Variants in METTL15 observed in about 807,000 individuals in gnomAD.
The protein encoded by METTL15 is 12S rRNA N(4)-cytidine methyltransferase METTL15.
METTL15 carries 34 observed loss-of-function variants against 38.3 expected under a neutral mutation model. The ratio of observed to expected loss-of-function variants is 0.89; its 90% CI spans 0.68 to 1.18. The LOEUF is 1.18. Ranked by LOEUF, METTL15 falls within the 50% of genes most tolerant of loss-of-function variation. The probability of loss-of-function intolerance (pLI) is 0.00; values close to 1 mark genes in which losing one functional copy is unlikely to be tolerated. For missense variants in METTL15, 438 were observed against 498.4 expected (o/e 0.88, Z 1.15); for synonymous variants, 162 against 170.9 (o/e 0.95, Z 0.41).
chr11:28,418,486 T>C (rs1257607721), intron 5 of METTL15, among the ~76,000 whole-genome samples: 2 of 152,128 alleles, frequency 1.3e-5, no homozygotes, highest in African/African-American at 2.4e-5. Context: ...CATAGTTAGA[T>C]GGGGCTAATG....
At chr11:28,522,937 A>T (rs1016646556) in intron 6 of METTL15, among the ~76,000 whole-genome samples, 2 of 152,228 alleles carry the variant, frequency 1.3e-5, no homozygotes, top group Non-Finnish European at 2.9e-5. Context: ...AAACATTTCT[A>T]TTGAAAAAGT....
At chr11:28,491,134 T>G (rs1851491135) in intron 6 of METTL15, among the ~76,000 whole-genome samples, 1 of 152,124 alleles carries the variant, frequency 6.6e-6, no homozygotes, top group African/African-American at 2.4e-5. Flanking sequence ...CAGCTGAGAC[T>G]TGCCTTAAAA....
chr11:28,441,121 A>C (rs555860624), intron 6 of METTL15, among the ~76,000 whole-genome samples: 1 of 151,518 alleles, frequency 6.6e-6, no homozygotes, highest in East Asian at 1.9e-4. Context: ...ATTTTATTGA[A>C]CAGTATGAAA....
At chr11:28,194,952 T>A (rs1423075291) in intron 3 of METTL15, among the ~76,000 whole-genome samples, 2 of 152,100 alleles carry the variant, frequency 1.3e-5, no homozygotes, top group African/African-American at 2.4e-5. Context: ...ACATGGAGTA[T>A]TTGGTTTTCC....
intron 5 of METTL15, among the ~76,000 whole-genome samples, chr11:28,409,405 A>G (rs1038621935): frequency 2.1e-5 from 3 of 142,574 alleles, no homozygotes; most frequent in Admixed American, 1.4e-4. Context: ...AAAAAAAAAA[A>G]GGAATATTTA....
In METTL15 at chr11:28,113,531, A is replaced by G. The variant is rs772086928; in HGVS notation, c.197A>G (p.Glu66Gly). ...ELHRSQDRDFETMAKLHIPVM... is the reference protein window; with the variant it reads ...ELHRSQDRDFGTMAKLHIPVM... ...CACAGATCTCAAGATAGAGATTTTGAAACTATGGCTAAATTACATATTCCA... is the reference window on the plus strand; with the variant it reads ...CACAGATCTCAAGATAGAGATTTTGGAACTATGGCTAAATTACATATTCCA... The change falls in exon 3 of 7, where the codon GAA becomes GGA. Residue 66 changes from glutamate (E) to glycine (G), a missense_variant. Coordinates refer to ENST00000407364, the MANE Select transcript of METTL15 (RefSeq NM_001113528.2). 1.3e-4 allele frequency: 202 copies of G among 1,613,664 alleles called. No homozygotes were observed. The highest frequency in any genetic ancestry group is 1.3e-4 in the Non-Finnish European group (157 of 1,179,836).
chr11:28,402,633 T>A (rs1295603722), intron 5 of METTL15, among the ~76,000 whole-genome samples: 1 of 151,928 alleles, frequency 6.6e-6, no homozygotes, highest in Non-Finnish European at 1.5e-5. Context: ...ACTTAACTTT[T>A]TTTAATTTTA....
intron 3 of METTL15, among the ~76,000 whole-genome samples, chr11:28,115,923 C>T (rs1197692029): frequency 2.6e-5 from 3 of 116,796 alleles, no homozygotes; most frequent in Non-Finnish European, 5.4e-5. Flanking sequence ...CACAGACACA[C>T]ACACATACAC....
intron 3 of METTL15, among the ~76,000 whole-genome samples, chr11:28,126,943 A>G (rs977621066): frequency 7.2e-5 from 11 of 152,120 alleles, no homozygotes; most frequent in African/African-American, 1.9e-4. Flanking sequence ...AATCTAGACA[A>G]TTAAATAGGT....
intron 5 of METTL15, among the ~76,000 whole-genome samples, chr11:28,396,677 A>G (rs971633750): frequency 4.6e-5 from 7 of 152,198 alleles, no homozygotes; most frequent in African/African-American, 1.7e-4. Context: ...AAGGTAATTT[A>G]TAGATTCAAT....
chr11:28,227,755 T>G (rs1214934623), intron 4 of METTL15, among the ~76,000 whole-genome samples: 1 of 151,834 alleles, frequency 6.6e-6, no homozygotes, highest in Non-Finnish European at 1.5e-5. Flanking sequence ...AGTCTTCTTG[T>G]TTCTGTGAAG....
chr11:28,211,703 T>A (rs2133841653), intron 4 of METTL15, among the ~76,000 whole-genome samples: 1 of 152,148 alleles, frequency 6.6e-6, no homozygotes, highest in South Asian at 2.1e-4. Flanking sequence ...AAGAACTTTT[T>A]AAAAATATAA....
intron 3 of METTL15, among the ~76,000 whole-genome samples, chr11:28,193,115 A>C (rs572887898): frequency 6.6e-6 from 1 of 152,254 alleles, no homozygotes; most frequent in African/African-American, 2.4e-5. Context: ...TCTCAGGAGA[A>C]TACAACACTA....
chr11:28,376,516 T>C (rs1850314092), intron 5 of METTL15, among the ~76,000 whole-genome samples: 1 of 152,192 alleles, frequency 6.6e-6, no homozygotes, highest in South Asian at 2.1e-4. Context: ...TCCATTTGCT[T>C]GGTAGATCTT....
intron 3 of METTL15, among the ~76,000 whole-genome samples, chr11:28,188,037 C>T (rs1851564038): frequency 6.6e-6 from 1 of 151,244 alleles, no homozygotes; most frequent in Non-Finnish European, 1.5e-5. Context: ...TTTCCCTCAC[C>T]CCTGGCTCAT....
chr11:28,125,376 C>G (rs181326585), intron 3 of METTL15: 1 of 151,980 alleles, frequency 6.6e-6, no homozygotes, highest in Non-Finnish European at 1.5e-5. Context: ...TCTCCATTTC[C>G]TGTGAAATCT....
rs763994799 is a variant in METTL15 at position 28,238,815 on chromosome 11, A to G, written c.407+27617A>G. Among the ~76,000 whole-genome samples the G allele has an allele frequency of 2.6e-5, 4 of 152,276 alleles. No homozygotes were observed. The South Asian group carries it at 6.2e-4, about 24-fold the overall frequency. ...AACTGCCCCACCCCACGGCTCTACC[A>G]AAACTCCTTTTGTCAAAGACTCCAG... On this transcript the variant is annotated intron_variant, in intron 4 of 6. Coordinates refer to ENST00000407364, the MANE Select transcript of METTL15 (RefSeq NM_001113528.2).
At chr11:28,444,683 T>G (rs1172265194) in intron 6 of METTL15, among the ~76,000 whole-genome samples, 2 of 152,184 alleles carry the variant, frequency 1.3e-5, no homozygotes, top group African/African-American at 4.8e-5. Context: ...TGCAGAAATG[T>G]TGCAAAGATT....
At chr11:28,340,938 TA>T (rs1476584441) in intron 3 of METTL15, among the ~76,000 whole-genome samples, 4 of 152,126 alleles carry the variant, frequency 2.6e-5, no homozygotes, top group African/African-American at 9.7e-5. Context: ...CCATCAATAA[TA>T]GACTGGATAA....
Sources: gnomAD v4.1 joint callset for allele counts (sites outside exome capture counted in the v4.1 genomes callset) on GRCh38, gnomAD v4.1.1 for gene constraint, MANE v1.5 for transcripts, NCBI Gene and HGNC (gene_info 2026-07-23, HGNC 2026-07-21) for gene names.